RIC3: variants seen among roughly 807,000 people sequenced by gnomAD.
The protein encoded by RIC3 is RIC3 acetylcholine receptor chaperone, also known as protein RIC-3.
Under a neutral mutation model 27.3 loss-of-function variants are expected in RIC3, and 28 were observed. The ratio of observed to expected loss-of-function variants is 1.02; its 90% CI spans 0.76 to 1.41. The LOEUF (loss-of-function observed/expected upper bound fraction) is 1.41, where lower values mean the gene tolerates loss of function less well. RIC3 is among the 40% of genes most tolerant of loss of function. The pLI is 0.00. For synonymous variants in RIC3, 184 were observed against 160.4 expected, an observed-to-expected ratio of 1.15 and a Z score of -1.11; for missense variants, 501 against 444.7, an observed-to-expected ratio of 1.13 and a Z score of -1.14.
chr11:8,148,020 G>T lies in RIC3; in HGVS notation c.125-7827C>A, dbSNP rs983428937. On this transcript the variant is annotated intron_variant, in intron 1 of 5. Coordinates refer to ENST00000309737, the MANE Select transcript of RIC3 (RefSeq NM_001206671.4). ...GATTACAGGCATGAGCCGAATTTGG[G>T]TAAGACTTAAAAAATCAGAATTTAG... 2.0e-5 allele frequency among the ~76,000 whole-genome samples: 3 copies of T among 152,154 alleles called. No homozygotes were observed. In the East Asian group the frequency reaches 5.8e-4, roughly 29 times the overall value.
Position 8,110,580 on chromosome 11 carries a change from G to A in RIC3, c.*118C>T. 1 of 895,740 alleles carries A rather than the reference G, an allele frequency of 1.1e-6. No homozygotes were observed. Among genetic ancestry groups the A allele is most frequent in the Non-Finnish European group, 1.9e-6 (1 of 539,502 alleles). The allele number at this position is 895,740 out of a possible 1,614,324, so 55.5% of individuals were successfully genotyped here. A position where few individuals can be genotyped will look rare whatever the true frequency, so the allele number is the denominator to read the frequency against. ...TACATGATATCCATGATAGTGGCCT[G>A]ATAGCTATGACACTTGAACACAGTG... On this transcript the variant is annotated 3_prime_UTR_variant, in exon 6 of 6. Coordinates refer to ENST00000309737, the MANE Select transcript of RIC3 (RefSeq NM_001206671.4).
the RIC3 span, chr11:8,100,974 TC>T: frequency 6.2e-7 from 1 of 1,614,148 alleles, no homozygotes; most frequent in Non-Finnish European, 8.5e-7. Flanking sequence ...GTGAAGAACT[TC>T]CAGATCATCC....
intron 5 of RIC3, among the ~76,000 whole-genome samples, chr11:8,120,516 G>A (rs536998511): frequency 8.5e-4 from 129 of 152,184 alleles, no homozygotes; most frequent in African/African-American, 2.6e-3. Flanking sequence ...ATCATACACC[G>A]GGACCTGTCG....
At chr11:8,156,400 A>G (rs1950654797) in intron 1 of RIC3, among the ~76,000 whole-genome samples, 2 of 152,192 alleles carry the variant, frequency 1.3e-5, no homozygotes, top group Non-Finnish European at 2.9e-5. Flanking sequence ...TCATCTGTAA[A>G]ATGGGCATGA....
At position 8,150,560 on chromosome 11, in the gene RIC3, T is replaced by C. The variant is rs146923301; in HGVS notation, c.125-10367A>G. On this transcript the variant is annotated intron_variant, in intron 1 of 5. Transcript: ENST00000309737. ...GCTTAAGAGGAAACTCTAAGCTACC[T>C]AAATGACAAAGCTAATTAAAATTGA... Among the ~76,000 whole-genome samples, 955 of 152,306 alleles carry C rather than the reference T, an allele frequency of 6.3e-3. 22 individuals carry two copies. The highest frequency in any genetic ancestry group is 0.051 in the Admixed American group (780 of 15,302).
chr11:8,151,583 C>CT (rs1950231176), intron 1 of RIC3, among the ~76,000 whole-genome samples: 1 of 43,738 alleles, frequency 2.3e-5, no homozygotes, highest in Non-Finnish European at 3.6e-5. Flanking sequence ...GAAACTCCGT[C>CT]TCAAAAAAAA....
chr11:8,098,135 T>C, the RIC3 span, among the ~76,000 whole-genome samples: 1 of 151,648 alleles, frequency 6.6e-6, no homozygotes, highest in Admixed American at 6.6e-5. Context: ...TTGCCTTGGC[T>C]CCATGGTCAA....
chr11:8,165,245 CA>C (rs1951572931), intron 1 of RIC3, among the ~76,000 whole-genome samples: 1 of 152,020 alleles, frequency 6.6e-6, no homozygotes, highest in Non-Finnish European at 1.5e-5. Flanking sequence ...ACACAGATAT[CA>C]GTAGCAACAT....
chr11:8,117,252 A>G (rs1217614578), intron 5 of RIC3, among the ~76,000 whole-genome samples: 1 of 152,272 alleles, frequency 6.6e-6, no homozygotes, highest in East Asian at 1.9e-4. Flanking sequence ...TTTTGTGGAG[A>G]CAGGGTTTCA....
intron 1 of RIC3, among the ~76,000 whole-genome samples, chr11:8,161,835 T>C (rs1046502527): frequency 3.3e-5 from 5 of 152,086 alleles, no homozygotes; most frequent in Non-Finnish European, 1.5e-5. Context: ...CGTATATAAA[T>C]GAGACACTCC....
chr11:8,132,092 G>T (rs1467830623), intron 4 of RIC3, among the ~76,000 whole-genome samples: 1 of 152,058 alleles, frequency 6.6e-6, no homozygotes, highest in East Asian at 1.9e-4. Context: ...GCCCTTTGCT[G>T]CCAGAGGTTG....
At chr11:8,099,404 G>C in the RIC3 span, among the ~76,000 whole-genome samples, 1 of 150,904 alleles carries the variant, frequency 6.6e-6, no homozygotes, top group Admixed American at 6.6e-5. Context: ...TTAAAATCAG[G>C]GGTGGGTATC....
At chr11:8,156,848 C>T (rs2134205029) in intron 1 of RIC3, among the ~76,000 whole-genome samples, 1 of 152,278 alleles carries the variant, frequency 6.6e-6, no homozygotes, top group East Asian at 1.9e-4. Context: ...TGGCCTTAAT[C>T]AAGAGTTTTA....
chr11:8,136,091 C>G (rs1240637501), intron 4 of RIC3, among the ~76,000 whole-genome samples: 1 of 152,158 alleles, frequency 6.6e-6, no homozygotes, highest in Admixed American at 6.5e-5. Context: ...AAGGTCAAGG[C>G]TCCTGGGCCC....
intron 4 of RIC3, among the ~76,000 whole-genome samples, chr11:8,137,074 G>GAGT (rs1443152495): frequency 1.3e-5 from 2 of 151,920 alleles, no homozygotes; most frequent in African/African-American, 4.8e-5. Context: ...GCCCAGGCTG[G>GAGT]AGTGCAAGGG....
intron 2 of RIC3, chr11:8,139,760 C>CA (rs1164161957): frequency 1.9e-6 from 1 of 523,988 alleles, no homozygotes; most frequent in African/African-American, 2.0e-5. Context: ...AATTTTGGGG[C>CA]AAAACACTTA....
intron 1 of RIC3, among the ~76,000 whole-genome samples, chr11:8,146,337 T>C (rs997997005): frequency 6.6e-6 from 1 of 152,190 alleles, no homozygotes; most frequent in African/African-American, 2.4e-5. Context: ...GATATTAATC[T>C]TTCAAGCAAA....
chr11:8,139,887 G>C (rs1009163054), intron 2 of RIC3, 80 bp downstream of exon 2: 9 of 1,242,736 alleles, frequency 7.2e-6, no homozygotes, highest in Non-Finnish European at 1.0e-5. Flanking sequence ...TGAACTATAA[G>C]AAGTTTTAAT....
intron 5 of RIC3, among the ~76,000 whole-genome samples, chr11:8,121,166 G>A (rs1946405419): frequency 6.6e-6 from 1 of 151,966 alleles, no homozygotes; most frequent in African/African-American, 2.4e-5. Context: ...AAACAGAAAA[G>A]GTTAATATCT....
Sources: gnomAD v4.1 joint callset for allele counts (sites outside exome capture counted in the v4.1 genomes callset) on GRCh38, gnomAD v4.1.1 for gene constraint, MANE v1.5 for transcripts, NCBI Gene and HGNC (gene_info 2026-07-23, HGNC 2026-07-21) for gene names.